Variants in PACRG observed in about 807,000 individuals in gnomAD.
The protein encoded by PACRG is parkin coregulated, also known as parkin coregulated gene protein.
In PACRG, 29 loss-of-function variants were observed where a neutral mutation model predicts 29.7. The observed-to-expected ratio is 0.98, with a 90% CI of 0.73 to 1.33. The LOEUF (loss-of-function observed/expected upper bound fraction) is 1.33, where lower values mean the gene tolerates loss of function less well. Among genes scored for constraint, PACRG ranks in the 40% most tolerant of loss-of-function variants. The probability of loss-of-function intolerance (pLI) is 0.00; values close to 1 mark genes in which losing one functional copy is unlikely to be tolerated. For missense variants in PACRG, 279 were observed against 316.2 expected (o/e 0.88, Z 0.89); for synonymous variants, 116 against 118.7 (o/e 0.98, Z 0.15).
At chr6:163,101,784 C>T (rs1012702023) in intron 4 of PACRG, among the ~76,000 whole-genome samples, 17 of 152,282 alleles carry the variant, frequency 1.1e-4, no homozygotes, top group Admixed American at 7.2e-4. Context: ...AGCCTGGTTG[C>T]GCTGCCTACA....
chr6:163,045,923 G>A (rs975341324), intron 2 of PACRG, among the ~76,000 whole-genome samples: 2 of 152,118 alleles, frequency 1.3e-5, no homozygotes, highest in African/African-American at 4.8e-5. Flanking sequence ...CCAAACTGAT[G>A]ATTCTACCCC....
At chr6:162,930,692 A>G (rs1438636027) in intron 2 of PACRG, among the ~76,000 whole-genome samples, 1 of 151,750 alleles carries the variant, frequency 6.6e-6, no homozygotes, top group Non-Finnish European at 1.5e-5. Flanking sequence ...AAGGCTTTCA[A>G]TTTTCCCTGT....
At chr6:163,028,093 A>C (rs1164500640) in intron 2 of PACRG, among the ~76,000 whole-genome samples, 1 of 152,180 alleles carries the variant, frequency 6.6e-6, no homozygotes, top group Admixed American at 6.5e-5. Flanking sequence ...ACCCCAAAAG[A>C]GGCCGGCAGA....
chr6:162,976,416 T>C (rs184018715), intron 2 of PACRG, among the ~76,000 whole-genome samples: 6 of 152,128 alleles, frequency 3.9e-5, no homozygotes, highest in African/African-American at 1.4e-4. Flanking sequence ...AATCTTTAAC[T>C]AACAGGACTG....
At chr6:163,293,017 T>C (rs185737775) in intron 4 of PACRG, among the ~76,000 whole-genome samples, 3 of 152,306 alleles carry the variant, frequency 2.0e-5, no homozygotes, top group East Asian at 1.9e-4. Flanking sequence ...AGCATAGTGC[T>C]AATATTTAGA....
At chr6:163,168,802 A>T (rs1778937368) in intron 4 of PACRG, among the ~76,000 whole-genome samples, 1 of 152,216 alleles carries the variant, frequency 6.6e-6, no homozygotes. Flanking sequence ...TGAAGTGTTA[A>T]ATATTTATCA....
chr6:163,012,724 T>A (rs1008644245), intron 2 of PACRG, among the ~76,000 whole-genome samples: 2 of 152,228 alleles, frequency 1.3e-5, no homozygotes, highest in Non-Finnish European at 1.5e-5. Context: ...ACAGTATGGT[T>A]ATCATTCTCT....
At chr6:163,194,003 C>T (rs1042620249) in intron 4 of PACRG, among the ~76,000 whole-genome samples, 2 of 151,748 alleles carry the variant, frequency 1.3e-5, no homozygotes, top group Non-Finnish European at 2.9e-5. Context: ...AGCGATTCTC[C>T]TGCCTCAGCC....
rs1013645906 is a variant in PACRG at position 162,990,572 on chromosome 6, T to C, written c.292-71578T>C. On this transcript the variant is annotated intron_variant, in intron 2 of 4. Transcript: ENST00000366888. ...TGTCTGTTCATGTCCTTTGCCCACT[T>C]TTTGATGGGGTTGTTTGTTTTTTTC... Among the ~76,000 whole-genome samples, 22 of 97,838 alleles carry C rather than the reference T, an allele frequency of 2.2e-4. No homozygotes were observed. In the South Asian group the frequency reaches 7.9e-3, roughly 35 times the overall value. 64.2% of individuals were successfully genotyped at this position (97,838 alleles called of 152,430 possible). A position where few individuals can be genotyped will look rare whatever the true frequency, so the allele number is the denominator to read the frequency against.
intron 4 of PACRG, among the ~76,000 whole-genome samples, chr6:163,240,970 T>C (rs10945884): frequency 0.61 from 93,392 of 152,048 alleles, 30,642 homozygotes; most frequent in African/African-American, 0.86. Flanking sequence ...GAAATTTTAC[T>C]CCCCAAAATC....
chr6:163,039,041 G>C (rs1230643011), intron 2 of PACRG, among the ~76,000 whole-genome samples: 1 of 152,182 alleles, frequency 6.6e-6, no homozygotes, highest in African/African-American at 2.4e-5. Flanking sequence ...TGTTATCCCT[G>C]TGTGTCGAGG....
At chr6:163,006,096 T>TAA (rs940611699) in intron 2 of PACRG, among the ~76,000 whole-genome samples, 2 of 143,268 alleles carry the variant, frequency 1.4e-5, no homozygotes, top group Non-Finnish European at 3.0e-5. Flanking sequence ...TTTATATATA[T>TAA]AATATATAAT....
chr6:163,109,912 G>T (rs1025021626), intron 4 of PACRG, among the ~76,000 whole-genome samples: 9 of 152,156 alleles, frequency 5.9e-5, no homozygotes, highest in Non-Finnish European at 8.8e-5. Flanking sequence ...AGAGAGAAAT[G>T]AATGATAAAT....
chr6:162,824,056 C>G (rs1216961898), intron 2 of PACRG, among the ~76,000 whole-genome samples: 1 of 152,176 alleles, frequency 6.6e-6, no homozygotes, highest in Non-Finnish European at 1.5e-5. Context: ...CCAGCTCTGT[C>G]TTTGCCTGCC....
chr6:163,181,618 A>T (rs1779670541), intron 4 of PACRG, among the ~76,000 whole-genome samples: 1 of 151,682 alleles, frequency 6.6e-6, no homozygotes, highest in South Asian at 2.1e-4. Flanking sequence ...AAAAAAAAAA[A>T]AAAAAAAAAA....
At chr6:162,943,600 A>G (rs1400740112) in intron 2 of PACRG, among the ~76,000 whole-genome samples, 1 of 151,982 alleles carries the variant, frequency 6.6e-6, no homozygotes, top group Non-Finnish European at 1.5e-5. Flanking sequence ...ACTGCCTACC[A>G]CAGCCAGTGC....
At chr6:162,775,372 T>C (rs1166198577) in intron 1 of PACRG, among the ~76,000 whole-genome samples, 1 of 152,258 alleles carries the variant, frequency 6.6e-6, no homozygotes, top group Non-Finnish European at 1.5e-5. Context: ...CTGTTACTAG[T>C]AATCAAAACA....
chr6:162,965,365 A>T (rs537112894), intron 2 of PACRG, among the ~76,000 whole-genome samples: 1 of 152,232 alleles, frequency 6.6e-6, no homozygotes, highest in African/African-American at 2.4e-5. Flanking sequence ...TTTATAAGCA[A>T]TAGAAATTTA....
At chr6:162,929,031 C>T (rs962806371) in intron 2 of PACRG, among the ~76,000 whole-genome samples, 3 of 151,928 alleles carry the variant, frequency 2.0e-5, no homozygotes, top group African/African-American at 7.2e-5. Flanking sequence ...TGGTCACTTA[C>T]GTTGATTCCA....
Sources: allele counts gnomAD v4.1 joint callset (sites outside exome capture counted in the v4.1 genomes callset), GRCh38; gene constraint gnomAD v4.1.1; transcripts MANE v1.5; gene names NCBI Gene and HGNC (gene_info 2026-07-23, HGNC 2026-07-21).